IQCM: variants seen among roughly 807,000 people sequenced by gnomAD.
The protein encoded by IQCM is IQ domain-containing protein M.
A neutral mutation model predicts 57.6 loss-of-function variants in IQCM; 45 were observed. That is an observed-to-expected ratio of 0.78 (90% CI 0.62 to 1.00). IQCM has a LOEUF of 1.00. Among genes scored for constraint, IQCM ranks in the 50% least tolerant of loss-of-function variants. The pLI, the probability that IQCM is intolerant of heterozygous loss-of-function variation, is 0.00. For missense variants in IQCM, 468 were observed against 511.6 expected (o/e 0.91, Z 0.82); for synonymous variants, 148 against 158.9 (o/e 0.93, Z 0.51).
intron 12 of IQCM, among the ~76,000 whole-genome samples, chr4:149,470,320 A>C (rs535865631): frequency 5.3e-5 from 8 of 152,150 alleles, no homozygotes; most frequent in Non-Finnish European, 1.2e-4. Flanking sequence ...AGGGGTTGCA[A>C]TACAAGTTTC....
intron 2 of IQCM, among the ~76,000 whole-genome samples, chr4:149,794,083 G>A (rs1434910892): frequency 1.3e-5 from 2 of 152,334 alleles, no homozygotes; most frequent in Middle Eastern, 6.8e-3. Flanking sequence ...GACAGAGCTT[G>A]TGGAGTGGCA....
Position 149,389,790 on chromosome 4 carries a change from T to TG in IQCM, c.1391-37725dup, listed in dbSNP as rs921379213. ...AGTTAGTGGGTGCAGCGCACCAGCA[T>TG]GCACATGTATACATATGTAACTAAC... is the stretch of plus-strand genomic sequence containing the variant. On this transcript the variant is annotated intron_variant, in intron 13 of 13. Coordinates refer to ENST00000636793, the MANE Select transcript of IQCM (RefSeq NM_001363507.2). Among the ~76,000 whole-genome samples the TG allele has an allele frequency of 5.3e-5, 8 of 151,834 alleles. No homozygotes were observed. In the South Asian group the frequency reaches 6.2e-4, roughly 12 times the overall value.
chr4:149,378,438 G>A (rs1165049704), intron 13 of IQCM, among the ~76,000 whole-genome samples: 1 of 152,152 alleles, frequency 6.6e-6, no homozygotes, highest in Non-Finnish European at 1.5e-5. Flanking sequence ...TGAAATCTAG[G>A]CTGAGATGCT....
At chr4:149,381,259 A>C (rs1731056531) in intron 13 of IQCM, among the ~76,000 whole-genome samples, 1 of 152,008 alleles carries the variant, frequency 6.6e-6, no homozygotes, top group Non-Finnish European at 1.5e-5. Flanking sequence ...TGCTTGGATT[A>C]TTGCAATAAC....
At chr4:149,658,639 C>A (rs1373068885) in intron 7 of IQCM, among the ~76,000 whole-genome samples, 1 of 151,922 alleles carries the variant, frequency 6.6e-6, no homozygotes, top group Non-Finnish European at 1.5e-5. Context: ...TTTATTTGTG[C>A]CTTCCTCAAT....
intron 7 of IQCM, among the ~76,000 whole-genome samples, chr4:149,650,847 G>A (rs1759108884): frequency 6.6e-6 from 1 of 152,140 alleles, no homozygotes; most frequent in African/African-American, 2.4e-5. Context: ...TTAAATATTT[G>A]TGTATGAACT....
At chr4:149,530,795 A>AAC (rs1560956277) in intron 12 of IQCM, among the ~76,000 whole-genome samples, 16 of 26,244 alleles carry the variant, frequency 6.1e-4, no homozygotes, top group Non-Finnish European at 9.2e-4. Context: ...AGACACCCCC[A>AAC]CCCCCCCACC....
At chr4:149,734,448 G>A (rs973059898) in intron 4 of IQCM, among the ~76,000 whole-genome samples, 7 of 152,202 alleles carry the variant, frequency 4.6e-5, no homozygotes, top group Admixed American at 6.5e-5. Context: ...TAAGCAATGC[G>A]TACAATGTTG....
At chr4:149,613,072 G>C (rs1050804820) in intron 8 of IQCM, among the ~76,000 whole-genome samples, 1 of 151,972 alleles carries the variant, frequency 6.6e-6, no homozygotes, top group Non-Finnish European at 1.5e-5. Flanking sequence ...AAATTTAGTA[G>C]TTCTGATGAT....
intron 10 of IQCM, among the ~76,000 whole-genome samples, chr4:149,559,040 C>T (rs1749863988): frequency 6.6e-6 from 1 of 152,142 alleles, no homozygotes; most frequent in Non-Finnish European, 1.5e-5. Flanking sequence ...CTCAACCATA[C>T]ACCAGATTGC....
At chr4:149,711,621 T>C (rs949092885) in intron 5 of IQCM, among the ~76,000 whole-genome samples, 11 of 152,248 alleles carry the variant, frequency 7.2e-5, no homozygotes, top group African/African-American at 2.6e-4. Context: ...CATTTTTGGG[T>C]TTTTAAAACC....
At chr4:149,788,670 G>T (rs1023209330) in intron 2 of IQCM, among the ~76,000 whole-genome samples, 2 of 152,158 alleles carry the variant, frequency 1.3e-5, no homozygotes, top group Admixed American at 1.3e-4. Flanking sequence ...AATGAAGTAA[G>T]TATATCAAAG....
Position 149,742,709 on chromosome 4 carries a change from A to G in IQCM, c.-18T>C. On this transcript the variant is annotated 5_prime_UTR_variant, in exon 3 of 14. Coordinates refer to ENST00000636793, the MANE Select transcript of IQCM (RefSeq NM_001363507.2). ...GTAGTCATGAGGGGCAGTTAGAATG[A>G]TCTTCTTTTTTAAAGTGTGAGCTCC... 2.4e-6 allele frequency: 3 copies of G among 1,230,860 alleles called. No individual in the cohort carries two copies. 76.2% of individuals were successfully genotyped at this position (1,230,860 alleles called of 1,614,324 possible).
chr4:149,803,592 C>A (rs977365120), intron 2 of IQCM, among the ~76,000 whole-genome samples: 4 of 151,958 alleles, frequency 2.6e-5, no homozygotes, highest in Admixed American at 6.6e-5. Flanking sequence ...TCAGAGTGTG[C>A]TTTTCGCCTT....
chr4:149,471,118 C>A (rs1014728600), intron 12 of IQCM, among the ~76,000 whole-genome samples: 7 of 152,090 alleles, frequency 4.6e-5, no homozygotes, highest in African/African-American at 1.2e-4. Flanking sequence ...TAACTAAGAT[C>A]AGAGCAGAAC....
intron 2 of IQCM, among the ~76,000 whole-genome samples, chr4:149,791,986 A>G (rs1366395787): frequency 6.6e-6 from 1 of 152,306 alleles, no homozygotes; most frequent in South Asian, 2.1e-4. Context: ...CATCAAGAGT[A>G]GGCTAACCAG....
At chr4:149,382,723 C>T (rs1290230466) in intron 13 of IQCM, among the ~76,000 whole-genome samples, 9 of 152,012 alleles carry the variant, frequency 5.9e-5, no homozygotes, top group Admixed American at 5.9e-4. Context: ...AGGGAATAAT[C>T]CCTTGTAAAA....
chr4:149,495,152 G>C (rs143708222), intron 12 of IQCM, among the ~76,000 whole-genome samples: 1 of 151,998 alleles, frequency 6.6e-6, no homozygotes, highest in Admixed American at 6.6e-5. Context: ...AAGAATGAAG[G>C]CTTAGACAAC....
intron 12 of IQCM, among the ~76,000 whole-genome samples, chr4:149,514,923 A>C (rs1438941985): frequency 6.6e-6 from 1 of 152,102 alleles, no homozygotes; most frequent in Non-Finnish European, 1.5e-5. Context: ...TCTGTGCTGG[A>C]TGCTTCCTGC....
Sources: allele counts gnomAD v4.1 joint callset (sites outside exome capture counted in the v4.1 genomes callset), GRCh38; gene constraint gnomAD v4.1.1; transcripts MANE v1.5; gene names NCBI Gene and HGNC (gene_info 2026-07-23, HGNC 2026-07-21).